NFATC1: variants seen among roughly 807,000 people sequenced by gnomAD.
The protein encoded by NFATC1 is nuclear factor of activated T cells 1.
A neutral mutation model predicts 76.0 loss-of-function variants in NFATC1; 22 were observed. The ratio of observed to expected loss-of-function variants is 0.29; its 90% CI spans 0.21 to 0.41. NFATC1 has a LOEUF of 0.41. Among genes scored for constraint, NFATC1 ranks in the 10% least tolerant of loss-of-function variants. The pLI is 1.00. For synonymous variants in NFATC1, 704 were observed against 613.1 expected (o/e 1.15, Z -2.19); for missense variants, 1,357 against 1,337.7 (o/e 1.01, Z -0.23).
chr18:79,485,590 C>T (rs1347685136), intron 8 of NFATC1, among the ~76,000 whole-genome samples: 1 of 152,224 alleles, frequency 6.6e-6, no homozygotes, highest in African/African-American at 2.4e-5. Context: ...GTGGGCTCTT[C>T]CCCAAAGCCC....
chr18:79,456,319 C>T (rs2087723288), intron 6 of NFATC1, among the ~76,000 whole-genome samples: 1 of 152,232 alleles, frequency 6.6e-6, no homozygotes, highest in Non-Finnish European at 1.5e-5. Flanking sequence ...GTGCAGGAAG[C>T]GCCAGGCAAG....
chr18:79,475,610 G>A (rs898800840), intron 8 of NFATC1, among the ~76,000 whole-genome samples: 5 of 151,662 alleles, frequency 3.3e-5, no homozygotes, highest in Admixed American at 2.6e-4. Context: ...GCTCACTGTC[G>A]ACGTTGTGAG....
In NFATC1 at chr18:79,410,475, C is replaced by A. The variant is rs2085628057; in HGVS notation, c.200C>A (p.Ala67Asp). The A allele has an allele frequency of 1.2e-6, 2 of 1,612,302 alleles. No homozygotes were observed. Among genetic ancestry groups the A allele is most frequent in the South Asian group, 2.2e-5 (2 of 91,072 alleles). Residue 67 changes from alanine to aspartate, a missense_variant, in exon 2 of 10, where the codon GCC becomes GAC. Physicochemically the swap from Ala to Asp is moderately radical, Grantham distance 126. This residue lies in a region of NFATC1 where 691 missense variants were observed against 613.1 expected (regional missense o/e 1.13). Coordinates refer to ENST00000427363, the MANE Select transcript of NFATC1 (RefSeq NM_001278669.2). This position sits in a 1 kb window ranked among gnomAD's most constrained non-coding sequence, Gnocchi z 6.7. The part of the protein sequence containing the change: ...PLPTAHSTLP[A>D]PCHNLQTSTP... ...CCCACGGCGCACTCCACCCTGCCGGCCCCGTGCCACAACCTTCAGACCTCC... is the reference window on the plus strand; with the variant it reads ...CCCACGGCGCACTCCACCCTGCCGGACCCGTGCCACAACCTTCAGACCTCC...
At chr18:79,521,321 G>A (rs1172742351) in intron 9 of NFATC1, among the ~76,000 whole-genome samples, 5 of 88,308 alleles carry the variant, frequency 5.7e-5, no homozygotes, top group Non-Finnish European at 8.7e-5. Context: ...CCTGATGTGT[G>A]TGTCTGTGTG....
At chr18:79,420,051 C>CA (rs1401765783) in intron 2 of NFATC1, among the ~76,000 whole-genome samples, 1 of 152,248 alleles carries the variant, frequency 6.6e-6, no homozygotes, top group African/African-American at 2.4e-5. Flanking sequence ...GTAAAGGCCA[C>CA]ACCGGACGCC....
intron 8 of NFATC1, among the ~76,000 whole-genome samples, chr18:79,478,875 C>T (rs1309998292): frequency 1.3e-5 from 2 of 152,210 alleles, no homozygotes; most frequent in African/African-American, 2.4e-5. Flanking sequence ...GCCCTCCGTG[C>T]CTTCCACGGA....
rs2085621653 is a variant in NFATC1 at position 79,410,340 on chromosome 18, C to A, written c.128-63C>A. ...GGGGGTTGCTGGCCGGCCCTGAGTT[C>A]ATGGGTTTCTGCTTTGTGATGCCCA... On this transcript the variant is annotated intron_variant, in intron 1 of 9. Coordinates refer to ENST00000427363, the MANE Select transcript of NFATC1 (RefSeq NM_001278669.2). This position sits in a 1 kb window ranked among gnomAD's most constrained non-coding sequence, Gnocchi z 6.7. 6.5e-7 allele frequency: 1 copy of A among 1,541,132 alleles called. No homozygotes were observed. The highest frequency in any genetic ancestry group is 1.4e-5 in the African/African-American group (1 of 73,154).
intron 4 of NFATC1, 37 bp downstream of exon 4, chr18:79,449,021 C>T (rs772218664): frequency 1.9e-5 from 31 of 1,600,924 alleles, no homozygotes; most frequent in Middle Eastern, 1.9e-4. Context: ...TGGCAGGGGG[C>T]GGTAGGAGGG....
At chr18:79,423,668 TC>T (rs1316917365) in intron 2 of NFATC1, among the ~76,000 whole-genome samples, 1 of 152,126 alleles carries the variant, frequency 6.6e-6, no homozygotes, top group Non-Finnish European at 1.5e-5. Context: ...ATCCTGAGCC[TC>T]ACCCGGCGGG....
At chr18:79,412,634 G>A (rs1169803638) in intron 2 of NFATC1, among the ~76,000 whole-genome samples, 1 of 152,196 alleles carries the variant, frequency 6.6e-6, no homozygotes, top group Non-Finnish European at 1.5e-5. Flanking sequence ...GCTGGAGCAC[G>A]CATGGACAGA....
Position 79,464,465 on chromosome 18 carries a change from T to G in NFATC1, c.1960-2985T>G, listed in dbSNP as rs1003883274. On this transcript the variant is annotated intron_variant, in intron 7 of 9. Transcript: ENST00000427363. ...TATATTTTCTCATCATAAAGGAACT[T>G]CATACTCATCGTGGACATTTGGACA... Among the ~76,000 whole-genome samples, 6 of 151,656 alleles carry G rather than the reference T, an allele frequency of 4.0e-5. No homozygotes were observed. In the South Asian group the frequency reaches 1.3e-3, roughly 32 times the overall value.
chr18:79,520,783 G>T (rs1441547451), intron 9 of NFATC1, among the ~76,000 whole-genome samples: 1 of 80,948 alleles, frequency 1.2e-5, no homozygotes, highest in Non-Finnish European at 2.3e-5. Flanking sequence ...ATGTGTGTGT[G>T]TGTGGGGGGG....
intron 9 of NFATC1, among the ~76,000 whole-genome samples, chr18:79,510,402 G>A (rs973454787): frequency 1.3e-5 from 2 of 152,222 alleles, no homozygotes; most frequent in East Asian, 1.9e-4. Context: ...CAGTTGAAGC[G>A]AGAAGTTAAA....
chr18:79,489,102 C>T (rs1459974163), intron 9 of NFATC1, among the ~76,000 whole-genome samples: 4 of 152,246 alleles, frequency 2.6e-5, no homozygotes, highest in African/African-American at 7.2e-5. Flanking sequence ...CCAGGTGGCC[C>T]GGGCCCCTCT....
chr18:79,469,932 G>A (rs1399312271), intron 8 of NFATC1: 2 of 985,440 alleles, frequency 2.0e-6, no homozygotes, highest in Admixed American at 6.1e-5. Flanking sequence ...CTGCCGCAGG[G>A]CGAGATCCCC....
At chr18:79,485,021 A>G (rs554348481) in intron 8 of NFATC1, among the ~76,000 whole-genome samples, 2 of 151,950 alleles carry the variant, frequency 1.3e-5, no homozygotes, top group Non-Finnish European at 2.9e-5. Context: ...GGGGCTAAAT[A>G]TTTTCTCTCG....
At chr18:79,519,721 T>G (rs1361866615) in intron 9 of NFATC1, among the ~76,000 whole-genome samples, 5 of 152,208 alleles carry the variant, frequency 3.3e-5, no homozygotes, top group Non-Finnish European at 5.9e-5. Context: ...CTCCCGGGGC[T>G]TGCATGTTTA....
rs367968760 is a variant in NFATC1 at position 79,410,104 on chromosome 18, G to A, written c.128-299G>A. 9.9e-5 allele frequency: 71 copies of A among 720,810 alleles called. 1 individual carries two copies. Among genetic ancestry groups the A allele is most frequent in the African/African-American group, 8.1e-4 (47 of 58,340 alleles). 44.7% of individuals were successfully genotyped at this position (720,810 alleles called of 1,614,324 possible). On this transcript the variant is annotated intron_variant, in intron 1 of 9. Transcript: ENST00000427363. The surrounding 1 kb of genome is among the most constrained non-coding windows in gnomAD (Gnocchi z 6.7). ...GGTTTTTGAATGAAGAGCGGAACCC[G>A]TGAGGACCCGGCCGCCTCTCCCTGG...
At chr18:79,515,113 G>A (rs1035168032) in intron 9 of NFATC1, among the ~76,000 whole-genome samples, 2 of 152,064 alleles carry the variant, frequency 1.3e-5, no homozygotes, top group African/African-American at 2.4e-5. Context: ...GGGAGGCAAC[G>A]GCGGGCAGAT....
Sources: allele counts gnomAD v4.1 joint callset (sites outside exome capture counted in the v4.1 genomes callset), GRCh38; gene constraint gnomAD v4.1.1; regional missense constraint gnomAD v4.1.1; non-coding constraint Gnocchi (gnomAD v3.1); transcripts MANE v1.5; gene names NCBI Gene and HGNC (gene_info 2026-07-23, HGNC 2026-07-21).